The following ZNF605 variants were observed in gnomAD, a reference collection of about 807,000 sequenced individuals.
ZNF605 encodes the protein zinc finger protein 605.
ZNF605 carries 9 observed loss-of-function variants against 7.9 expected under a neutral mutation model. The observed-to-expected ratio is 1.14, with a 90% confidence interval of 0.68 to 1.98. The LOEUF is 1.98. Among genes scored for constraint, ZNF605 ranks in the 30% most tolerant of loss-of-function variants. The pLI is 0.00. For synonymous variants in ZNF605, 255 were observed against 260.1 expected (o/e 0.98, Z 0.19); for missense variants, 673 against 762.4 (o/e 0.88, Z 1.38).
intron 4 of ZNF605, among the ~76,000 whole-genome samples, chr12:132,927,666 AT>A (rs536891180): frequency 1.0e-4 from 15 of 142,984 alleles, no homozygotes; most frequent in African/African-American, 7.8e-5. Flanking sequence ...GCCCAGCCTT[AT>A]TTTTTTTTTA....
At chr12:132,950,889 C>T (rs1952554087) in intron 1 of ZNF605, among the ~76,000 whole-genome samples, 1 of 151,484 alleles carries the variant, frequency 6.6e-6, no homozygotes, top group Admixed American at 6.6e-5. Flanking sequence ...ATCACACATA[C>T]TCACAGACGC....
chr12:132,932,707 C>T (rs1952320269), intron 4 of ZNF605: 2 of 1,518,526 alleles, frequency 1.3e-6, no homozygotes, highest in Admixed American at 2.0e-5. Flanking sequence ...CCTGATTATT[C>T]CTCACCTGAA....
At chr12:132,954,622 A>T (rs1264204873) in intron 1 of ZNF605, among the ~76,000 whole-genome samples, 2 of 151,118 alleles carry the variant, frequency 1.3e-5, no homozygotes, top group Non-Finnish European at 3.0e-5. Flanking sequence ...CAGTCACTCA[A>T]TGCCCAGGGA....
In ZNF605 at chr12:132,919,770, C is replaced by T. The variant is rs1224236747; in HGVS notation, c.*5603G>A. The stretch of plus-strand genomic sequence containing the variant: ...TTCTTTTCATCTTAACAGTGAATGC[C>T]TCGATAGCTACATTCTTTTTGCTGT... On this transcript the variant is annotated 3_prime_UTR_variant, in exon 5 of 5. Coordinates refer to ENST00000360187, the MANE Select transcript of ZNF605 (RefSeq NM_183238.4). The T allele has an allele frequency of 6.6e-6, 1 of 152,078 alleles. No individual in the cohort carries two copies. Among genetic ancestry groups the T allele is most frequent in the Non-Finnish European group, 1.5e-5 (1 of 68,026 alleles). 9.4% of individuals were successfully genotyped at this position (152,078 alleles called of 1,614,324 possible).
intron 3 of ZNF605, among the ~76,000 whole-genome samples, chr12:132,938,908 C>T (rs370536313): frequency 0.13 from 20,441 of 152,066 alleles, 1,728 homozygotes; most frequent in Non-Finnish European, 0.19. Context: ...CCAGTGGCTG[C>T]GGAGGGTGTA....
At chr12:132,954,253 C>A (rs1311219166) in intron 1 of ZNF605, among the ~76,000 whole-genome samples, 3 of 148,054 alleles carry the variant, frequency 2.0e-5, no homozygotes, top group Non-Finnish European at 4.5e-5. Context: ...CCCCAAAGCC[C>A]CACTTAAGAA....
chr12:132,930,030 A>C (rs1952291551), intron 4 of ZNF605, among the ~76,000 whole-genome samples: 1 of 152,232 alleles, frequency 6.6e-6, no homozygotes, highest in Admixed American at 6.5e-5. Context: ...CAGGCTTAAA[A>C]GTAGTATTTG....
Position 132,925,248 on chromosome 12 carries a change from C to A in ZNF605, c.*125G>T, listed in dbSNP as rs553077344. The A allele has an allele frequency of 4.4e-5, 30 of 677,746 alleles. No homozygotes were observed. The East Asian group carries it at 8.4e-4, about 19-fold the overall frequency. 42.0% of individuals were successfully genotyped at this position (677,746 alleles called of 1,614,324 possible). On this transcript the variant is annotated 3_prime_UTR_variant, in exon 5 of 5. Transcript: ENST00000360187. ...AAATTCTGCTTAGTGACTCTTGACT[C>A]CTCAATTCAAGCTTTTTCAACAGTC...
rs1009492118 is a variant in ZNF605 at position 132,945,248 on chromosome 12, G to A, written c.15+373C>T. 7 of 669,524 alleles carry A rather than the reference G, an allele frequency of 1.0e-5. No individual in the cohort carries two copies. In the African/African-American group the frequency reaches 1.3e-4, roughly 12 times the overall value. 41.5% of individuals were successfully genotyped at this position (669,524 alleles called of 1,614,324 possible). ...CAAAGGGCTGGGATTACAGGCATGA[G>A]CCACCATGCCCAGCTGAGACTTTTG... On this transcript the variant is annotated intron_variant, in intron 3 of 4. Coordinates refer to ENST00000360187, the MANE Select transcript of ZNF605 (RefSeq NM_183238.4).
At chr12:132,945,243 C>T in intron 3 of ZNF605, 2 of 657,850 alleles carry the variant, frequency 3.0e-6, no homozygotes, top group Admixed American at 2.6e-5. Context: ...GGATTACAGG[C>T]ATGAGCCACC....
chr12:132,951,720 C>A (rs1952570670), intron 1 of ZNF605, among the ~76,000 whole-genome samples: 1 of 151,452 alleles, frequency 6.6e-6, no homozygotes, highest in East Asian at 1.9e-4. Flanking sequence ...CATGCACACA[C>A]AATGATACAT....
rs917691297 is a variant in ZNF605 at position 132,941,417 on chromosome 12, A to C, written c.15+4204T>G. On this transcript the variant is annotated intron_variant, in intron 3 of 4. Coordinates refer to ENST00000360187, the MANE Select transcript of ZNF605 (RefSeq NM_183238.4). This position sits in a 1 kb window ranked among gnomAD's most constrained non-coding sequence, Gnocchi z 5.1. ...TCGCTGTTTCCTTGTGGTTTGGCCC[A>C]GCCAACCCCACACATTCCACTGACT... Among the ~76,000 whole-genome samples the C allele has an allele frequency of 6.6e-6, 1 of 152,274 alleles. No individual in the cohort carries two copies. The highest frequency in any genetic ancestry group is 6.5e-5 in the Admixed American group (1 of 15,296).
chr12:132,955,073 A>C (rs1952621566), intron 1 of ZNF605, among the ~76,000 whole-genome samples: 1 of 152,158 alleles, frequency 6.6e-6, no homozygotes, highest in Non-Finnish European at 1.5e-5. Context: ...AGAGCAAAGA[A>C]AGACGGTTCC....
At chr12:132,950,273 A>C (rs1425468643) in intron 1 of ZNF605, among the ~76,000 whole-genome samples, 1 of 152,112 alleles carries the variant, frequency 6.6e-6, no homozygotes, top group African/African-American at 2.4e-5. Flanking sequence ...AAAAGCAGCC[A>C]CCCTGGCCTC....
Position 132,924,580 on chromosome 12 carries a change from C to T in ZNF605, c.*793G>A, listed in dbSNP as rs910600372. 1 of 152,272 alleles carries T rather than the reference C, an allele frequency of 6.6e-6. No individual in the cohort carries two copies. The highest frequency in any genetic ancestry group is 2.4e-5 in the African/African-American group (1 of 41,458). The allele number at this position is 152,272 out of a possible 1,614,324, so 9.4% of individuals were successfully genotyped here. On this transcript the variant is annotated 3_prime_UTR_variant, in exon 5 of 5. Transcript: ENST00000360187. ...TGCCAGTCCTGTCTCTTCAATTCAG[C>T]GAGATTTATTGTTTCCCTTCCCTGA...
chr12:132,948,544 A>G (rs1952519741), intron 1 of ZNF605: 1 of 152,254 alleles, frequency 6.6e-6, no homozygotes, highest in Admixed American at 6.5e-5. Flanking sequence ...GGCCAGTGGC[A>G]CCTTTCCAGA....
intron 1 of ZNF605, among the ~76,000 whole-genome samples, chr12:132,954,105 A>G (rs1427416062): frequency 1.3e-5 from 2 of 151,694 alleles, no homozygotes; most frequent in East Asian, 2.0e-4. Flanking sequence ...AGGCCCCCAG[A>G]CACTTACCAT....
At chr12:132,928,046 T>TCA (rs1480657993) in intron 4 of ZNF605, among the ~76,000 whole-genome samples, 1 of 152,198 alleles carries the variant, frequency 6.6e-6, no homozygotes, top group Non-Finnish European at 1.5e-5. Context: ...TCCAATCAAA[T>TCA]ACTGAAGTGA....
chr12:132,951,949 C>T (rs886093991), intron 1 of ZNF605, among the ~76,000 whole-genome samples: 60 of 151,830 alleles, frequency 4.0e-4, no homozygotes, highest in Non-Finnish European at 5.7e-4. Context: ...TTCCCACACA[C>T]GTACATACAT....
Sources: allele counts gnomAD v4.1 joint callset (sites outside exome capture counted in the v4.1 genomes callset), GRCh38; gene constraint gnomAD v4.1.1; non-coding constraint Gnocchi (gnomAD v3.1); transcripts MANE v1.5; gene names NCBI Gene and HGNC (gene_info 2026-07-23, HGNC 2026-07-21).